The following UNC13B variants were observed in gnomAD, a reference collection of about 807,000 sequenced individuals.
The protein encoded by UNC13B is protein unc-13 homolog B.
In UNC13B, 144 loss-of-function variants were observed where a neutral mutation model predicts 211.0. The observed-to-expected ratio is 0.68, with a 90% CI of 0.60 to 0.78. The LOEUF (loss-of-function observed/expected upper bound fraction) is 0.78. Among genes scored for constraint, UNC13B ranks in the 30% least tolerant of loss-of-function variants. UNC13B has a pLI of 0.00. For missense variants in UNC13B, 1,777 were observed against 2,002.0 expected (o/e 0.89, Z 2.14); for synonymous variants, 709 against 725.8 (o/e 0.98, Z 0.37).
At chr9:35,368,792 T>A (rs1202991231) in intron 12 of UNC13B, among the ~76,000 whole-genome samples, 2 of 152,110 alleles carry the variant, frequency 1.3e-5, no homozygotes, top group African/African-American at 4.8e-5. Flanking sequence ...CCTTCTTCTT[T>A]TATTGAAAGA....
rs1281426282 is a variant in UNC13B, at chr9:35,179,895, T to G, written c.22+17590T>G. On this transcript the variant is annotated intron_variant, in intron 1 of 39. Transcript: ENST00000635942. ...AGTTAATTGGGTAACATCCTAATTT[T>G]TCTTTACAGTTCACTTTAGACTGTA... 4.6e-5 allele frequency among the ~76,000 whole-genome samples: 7 copies of G among 152,358 alleles called. No individual in the cohort carries two copies. The East Asian group carries it at 1.2e-3, about 25-fold the overall frequency.
intron 1 of UNC13B, among the ~76,000 whole-genome samples, chr9:35,176,290 A>G (rs1230507783): frequency 1.3e-5 from 2 of 151,938 alleles, no homozygotes; most frequent in African/African-American, 2.4e-5. Context: ...GCTCATGTCT[A>G]TAATCCCAGC....
chr9:35,240,006 G>A (rs924859571), intron 5 of UNC13B, among the ~76,000 whole-genome samples: 19 of 152,110 alleles, frequency 1.2e-4, no homozygotes, highest in African/African-American at 4.1e-4. Flanking sequence ...CAAAGATGAC[G>A]GGATTAAGAG....
At chr9:35,371,349 C>CTT (rs751513784) in intron 13 of UNC13B, among the ~76,000 whole-genome samples, 32 of 138,844 alleles carry the variant, frequency 2.3e-4, no homozygotes, top group East Asian at 6.3e-4. Flanking sequence ...TTCTTTCTTT[C>CTT]TTTTTTTTTT....
chr9:35,307,288 T>A lies in UNC13B; in HGVS notation c.7884T>A (p.Asp2628Glu), dbSNP rs1365339638. 2.5e-6 allele frequency: 1 copy of A among 399,018 alleles called. No individual in the cohort carries two copies. The highest frequency in any genetic ancestry group is 4.4e-6 in the Non-Finnish European group (1 of 226,068). 24.7% of individuals were successfully genotyped at this position (399,018 alleles called of 1,614,324 possible). The change falls in exon 9 of 40, where the codon GAT becomes GAA. Residue 2628 changes from aspartate (D) to glutamate (E), a missense_variant. By Grantham distance (45) the Asp-to-Glu change is conservative (BLOSUM62 2). Coordinates refer to ENST00000635942, the MANE Select transcript of UNC13B (RefSeq NM_001371189.2). ...GGCAAGGAGTATTGTCTCTGAGTGA[T>A]GAAGGAGACATGGGGATATTGCAAG... ...DTGQGVLSLS[D>E]EGDMGILQAT...
At chr9:35,204,866 C>T (rs1173776954) in intron 1 of UNC13B, among the ~76,000 whole-genome samples, 1 of 152,074 alleles carries the variant, frequency 6.6e-6, no homozygotes, top group African/African-American at 2.4e-5. Context: ...GTTGGGAAGG[C>T]ATGATTATAT....
intron 11 of UNC13B, chr9:35,352,697 C>G (rs1050084101): frequency 8.1e-7 from 1 of 1,231,958 alleles, no homozygotes; most frequent in Non-Finnish European, 1.0e-6. Context: ...TGTGCCCAAG[C>G]TAGGGGATGA....
At chr9:35,194,804 T>C (rs1172871734) in intron 1 of UNC13B, among the ~76,000 whole-genome samples, 1 of 152,132 alleles carries the variant, frequency 6.6e-6, no homozygotes, top group African/African-American at 2.4e-5. Flanking sequence ...CCAGCGTCTG[T>C]CATCTCGTGC....
At chr9:35,183,917 A>T (rs1170490928) in intron 1 of UNC13B, among the ~76,000 whole-genome samples, 1 of 130,104 alleles carries the variant, frequency 7.7e-6, no homozygotes, top group African/African-American at 3.0e-5. Context: ...CTCGCCTCCA[A>T]GACGGGGTGG....
At chr9:35,269,273 A>G (rs1413450129) in intron 7 of UNC13B, among the ~76,000 whole-genome samples, 2 of 152,198 alleles carry the variant, frequency 1.3e-5, no homozygotes, top group East Asian at 1.9e-4. Context: ...TTAATTTGGT[A>G]TTACCGATTG....
chr9:35,281,379 G>A (rs527296993), intron 7 of UNC13B, among the ~76,000 whole-genome samples: 13 of 149,764 alleles, frequency 8.7e-5, no homozygotes, highest in African/African-American at 3.2e-4. Context: ...TCACACCACT[G>A]CACTCGAGCC....
intron 7 of UNC13B, among the ~76,000 whole-genome samples, chr9:35,286,694 A>G (rs1363277389): frequency 6.6e-6 from 1 of 152,166 alleles, no homozygotes; most frequent in African/African-American, 2.4e-5. Context: ...GTTTCTACAA[A>G]AAAATAATAC....
At chr9:35,229,851 C>T (rs917358306) in intron 2 of UNC13B, among the ~76,000 whole-genome samples, 12 of 152,092 alleles carry the variant, frequency 7.9e-5, no homozygotes, top group African/African-American at 1.9e-4. Flanking sequence ...AAGTGTATGA[C>T]GGGTTCCATT....
At chr9:35,376,669 G>A (rs1364628418) in intron 15 of UNC13B, among the ~76,000 whole-genome samples, 1 of 152,182 alleles carries the variant, frequency 6.6e-6, no homozygotes, top group Non-Finnish European at 1.5e-5. Context: ...TAGAATCTAG[G>A]ACTCAGGGAA....
intron 24 of UNC13B, among the ~76,000 whole-genome samples, chr9:35,387,851 T>C (rs764858403): frequency 4.6e-5 from 7 of 152,154 alleles, no homozygotes; most frequent in Non-Finnish European, 7.3e-5. Context: ...ATTTATTGTT[T>C]TTTTGTTGTT....
chr9:35,293,980 C>T (rs1829223830), intron 7 of UNC13B, among the ~76,000 whole-genome samples: 1 of 152,070 alleles, frequency 6.6e-6, no homozygotes, highest in Non-Finnish European at 1.5e-5. Flanking sequence ...ATCATCTTAC[C>T]CCTGTCTCCC....
intron 11 of UNC13B, chr9:35,353,141 A>G (rs1462254636): frequency 2.0e-5 from 25 of 1,232,082 alleles, no homozygotes; most frequent in Non-Finnish European, 2.4e-5. Context: ...TTTCAGTGAC[A>G]TGGTTCATAT....
At chr9:35,273,811 C>T (rs775588393) in intron 7 of UNC13B, among the ~76,000 whole-genome samples, 6 of 152,184 alleles carry the variant, frequency 3.9e-5, no homozygotes, top group Admixed American at 6.5e-5. Context: ...CTGTGTTGGC[C>T]GCCTCTCAAT....
chr9:35,361,543 C>G (rs1443734004), intron 11 of UNC13B: 1 of 152,036 alleles, frequency 6.6e-6, no homozygotes, highest in Non-Finnish European at 1.5e-5. Context: ...TTTTCTTTTA[C>G]TACATAGAAA....
Sources: gnomAD v4.1 joint callset for allele counts (sites outside exome capture counted in the v4.1 genomes callset) on GRCh38, gnomAD v4.1.1 for gene constraint, MANE v1.5 for transcripts, NCBI Gene and HGNC (gene_info 2026-07-23, HGNC 2026-07-21) for gene names.